Variants in CACNA1I observed in about 807,000 individuals in gnomAD.
CACNA1I encodes calcium voltage-gated channel subunit alpha1 I.
Under a neutral mutation model 201.6 loss-of-function variants are expected in CACNA1I, and 74 were observed. That is an observed-to-expected ratio of 0.37 (90% CI 0.30 to 0.45). The LOEUF (loss-of-function observed/expected upper bound fraction) is 0.45, where lower values mean the gene tolerates loss of function less well. Among genes scored for constraint, CACNA1I ranks in the 20% least tolerant of loss-of-function variants. CACNA1I has a pLI of 1.00. For missense variants in CACNA1I, 2,346 were observed against 3,138.1 expected, an observed-to-expected ratio of 0.75 and a Z score of 6.03; for synonymous variants, 1,431 against 1,345.2, an observed-to-expected ratio of 1.06 and a Z score of -1.40.
In CACNA1I at chr22:39,593,155, G is replaced by A. The variant is rs3788564; in HGVS notation, c.237-4996G>A. Among the ~76,000 whole-genome samples the A allele has an allele frequency of 3.3e-4, 50 of 152,354 alleles. 1 individual carries two copies. The East Asian group carries it at 9.4e-3, about 29-fold the overall frequency. ...TGCGGGGACCCAGTGCAGTGGGCGAGTTAGATGGGCCACAGAGGCAGTGCT... is the reference window on the plus strand; with the variant it reads ...TGCGGGGACCCAGTGCAGTGGGCGAATTAGATGGGCCACAGAGGCAGTGCT... On this transcript the variant is annotated intron_variant, in intron 1 of 36. Coordinates refer to ENST00000402142, the MANE Select transcript of CACNA1I (RefSeq NM_021096.4).
intron 10 of CACNA1I, among the ~76,000 whole-genome samples, chr22:39,654,984 G>C (rs1214654373): frequency 6.6e-6 from 1 of 152,112 alleles, no homozygotes; most frequent in Admixed American, 6.5e-5. Context: ...TCAGAAAAGG[G>C]GGGCAGGTGA....
chr22:39,637,709 C>G (rs1361570995), intron 5 of CACNA1I, among the ~76,000 whole-genome samples: 1 of 152,186 alleles, frequency 6.6e-6, no homozygotes, highest in African/African-American at 2.4e-5. Context: ...ATTTTGCTCT[C>G]TTAACGGTGT....
At chr22:39,610,236 C>T (rs1339412979) in intron 3 of CACNA1I, among the ~76,000 whole-genome samples, 1 of 152,206 alleles carries the variant, frequency 6.6e-6, no homozygotes, top group African/African-American at 2.4e-5. Context: ...GAGGGCAGGA[C>T]CAAGGCTAGT....
In CACNA1I at chr22:39,658,406, C is replaced by T. The variant is rs551791274; in HGVS notation, c.2144+103C>T. ...AGGACATAAGATGGCTGTGGAAACC[C>T]GTTGCACTGAAACAATTATCGAAAT... On this transcript the variant is annotated intron_variant, in intron 11 of 36. Coordinates refer to ENST00000402142, the MANE Select transcript of CACNA1I (RefSeq NM_021096.4). 24 of 1,072,512 alleles carry T rather than the reference C, an allele frequency of 2.2e-5. No individual in the cohort carries two copies. In the South Asian group the frequency reaches 2.4e-4, roughly 11 times the overall value. 66.4% of individuals were successfully genotyped at this position (1,072,512 alleles called of 1,614,324 possible).
Position 39,659,648 on chromosome 22 carries a change from C to T in CACNA1I, c.2449-49C>T, listed in dbSNP as rs758065366. On this transcript the variant is annotated intron_variant, in intron 13 of 36. Coordinates refer to ENST00000402142, the MANE Select transcript of CACNA1I (RefSeq NM_021096.4). The surrounding 1 kb of genome is among the most constrained non-coding windows in gnomAD (Gnocchi z 4.3). Reference sequence around the variant, plus strand: ...CAACTCCCATGCCTCCTTGTAGAGCCTAGCCCTGGACTAGGGGTACCCCAG... The same window carrying T: ...CAACTCCCATGCCTCCTTGTAGAGCTTAGCCCTGGACTAGGGGTACCCCAG... 3.1e-6 allele frequency: 5 copies of T among 1,610,006 alleles called. No homozygotes were observed. The highest frequency in any genetic ancestry group is 2.7e-5 in the African/African-American group (2 of 74,856).
chr22:39,612,895 G>A lies in CACNA1I; in HGVS notation c.483-6415G>A, dbSNP rs931954636. Reference sequence around the variant, plus strand: ...AACACCTACTGTGTGCTAGGTCCCCGGATATTGGCAATGGCTGGTGGTCTA... The same window carrying A: ...AACACCTACTGTGTGCTAGGTCCCCAGATATTGGCAATGGCTGGTGGTCTA... On this transcript the variant is annotated intron_variant, in intron 3 of 36. Coordinates refer to ENST00000402142, the MANE Select transcript of CACNA1I (RefSeq NM_021096.4). Among the ~76,000 whole-genome samples, 6 of 152,176 alleles carry A rather than the reference G, an allele frequency of 3.9e-5. No individual in the cohort carries two copies. In the East Asian group the frequency reaches 7.7e-4, roughly 20 times the overall value.
chr22:39,578,638 G>A (rs964803336), intron 1 of CACNA1I, among the ~76,000 whole-genome samples: 9 of 151,826 alleles, frequency 5.9e-5, no homozygotes, highest in African/African-American at 2.2e-4. Flanking sequence ...CTGCTGTCAA[G>A]TGCTGTGTAC....
intron 3 of CACNA1I, among the ~76,000 whole-genome samples, chr22:39,608,320 A>C (rs1365105528): frequency 1.3e-5 from 2 of 151,946 alleles, no homozygotes; most frequent in Non-Finnish European, 2.9e-5. Context: ...TTCTGTGATC[A>C]CCCAGTCCAG....
Position 39,676,816 on chromosome 22 carries a change from C to A in CACNA1I, c.4855-525C>A, listed in dbSNP as rs1015863165. Among the ~76,000 whole-genome samples the A allele has an allele frequency of 6.6e-6, 1 of 152,190 alleles. No homozygotes were observed. Among genetic ancestry groups the A allele is most frequent in the African/African-American group, 2.4e-5 (1 of 41,444 alleles). ...GCATTTCGGTGGTTTCGTAGAGGAG[C>A]TAGTGTTAGAGCTGAGACCTCCTGC... On this transcript the variant is annotated intron_variant, in intron 29 of 36. Coordinates refer to ENST00000402142, the MANE Select transcript of CACNA1I (RefSeq NM_021096.4). This position sits in a 1 kb window ranked among gnomAD's most constrained non-coding sequence, Gnocchi z 4.8.
In CACNA1I at chr22:39,679,418, G is replaced by A; in HGVS notation, c.5367G>A (p.Leu1789=). The A allele has an allele frequency of 7.0e-7, 1 of 1,431,260 alleles. No individual in the cohort carries two copies. Among genetic ancestry groups the A allele is most frequent in the Non-Finnish European group, 9.0e-7 (1 of 1,105,356 alleles). The allele number at this position is 1,431,260 out of a possible 1,614,324, so 88.7% of individuals were successfully genotyped here. ...GCGGGGGCGACACCGAGGGCGGCTT[G>A]TGCCGGCGCTGCTACTCGCCTGCCC... The part of the protein sequence containing the change: ...AGGGGDTEGG[L]CRRCYSPAQE... The change falls in exon 32 of 37, where the codon TTG becomes TTA. Residue 1789 remains leucine (L), a synonymous_variant. Transcript: ENST00000402142.
intron 31 of CACNA1I, among the ~76,000 whole-genome samples, chr22:39,678,811 C>G (rs557390923): frequency 1.3e-5 from 2 of 152,324 alleles, no homozygotes; most frequent in African/African-American, 2.4e-5. Flanking sequence ...CCCCAGATGC[C>G]CCTTCTCAGG....
At position 39,681,155 on chromosome 22, in the gene CACNA1I, C is replaced by T. The variant is rs574784955; in HGVS notation, c.5664+103C>T. The stretch of plus-strand genomic sequence containing the variant: ...CTGTCTTTCCAGTCTACCATGTAAA[C>T]GGCACCCACTGTGCTAGGCCTTCAT... On this transcript the variant is annotated intron_variant, in intron 34 of 36. Coordinates refer to ENST00000402142, the MANE Select transcript of CACNA1I (RefSeq NM_021096.4). 2,448 of 1,324,850 alleles carry T rather than the reference C, an allele frequency of 1.8e-3. 5 individuals are homozygous for T. The highest frequency in any genetic ancestry group is 2.2e-3 in the Non-Finnish European group (2,185 of 983,894). 82.1% of individuals were successfully genotyped at this position (1,324,850 alleles called of 1,614,324 possible). A position where few individuals can be genotyped will look rare whatever the true frequency, so the allele number is the denominator to read the frequency against.
intron 18 of CACNA1I, 59 bp from the exon 19 acceptor site, chr22:39,663,659 C>T (rs1601512435): frequency 6.2e-7 from 1 of 1,603,846 alleles, no homozygotes. Context: ...CCTCTGCCTT[C>T]CTTCTGGCCA....
rs199671496 is a variant in CACNA1I at position 39,634,560 on chromosome 22, C to T, written c.581-5C>T. ...TGACCATCCCTCCACCTTTTCCCCT[C>T]CCAGGTATGCGGATCCTGGTGAACC... On this transcript the variant is annotated splice_polypyrimidine_tract_variant and splice_region_variant and intron_variant, in intron 4 of 36. Transcript: ENST00000402142. 1.9e-6 allele frequency: 3 copies of T among 1,613,814 alleles called. No individual in the cohort carries two copies. The highest frequency in any genetic ancestry group is 2.2e-5 in the East Asian group (1 of 44,888).
At chr22:39,619,432 A>C (rs758996887) in intron 4 of CACNA1I, 25 bp downstream of exon 4, 3 of 1,567,910 alleles carry the variant, frequency 1.9e-6, no homozygotes, top group East Asian at 4.5e-5. Flanking sequence ...CCCTGTCCAC[A>C]CATTCCTGGC....
At chr22:39,572,069 G>A (rs962008910) in intron 1 of CACNA1I, among the ~76,000 whole-genome samples, 2 of 152,204 alleles carry the variant, frequency 1.3e-5, no homozygotes, top group African/African-American at 4.8e-5. Context: ...GGGGCAGAGA[G>A]GAGTGAGGTG....
chr22:39,577,600 G>A (rs1932401297), intron 1 of CACNA1I, among the ~76,000 whole-genome samples: 1 of 152,370 alleles, frequency 6.6e-6, no homozygotes, highest in East Asian at 1.9e-4. Flanking sequence ...TGTGAACCTG[G>A]ACTGCGCGGA....
At chr22:39,626,128 C>T (rs1933893246) in intron 4 of CACNA1I, among the ~76,000 whole-genome samples, 1 of 152,216 alleles carries the variant, frequency 6.6e-6, no homozygotes, top group Admixed American at 6.5e-5. Context: ...GAGGTTTGCT[C>T]TGTGCTGTCA....
At chr22:39,626,207 G>T (rs910943042) in intron 4 of CACNA1I, among the ~76,000 whole-genome samples, 2 of 152,234 alleles carry the variant, frequency 1.3e-5, no homozygotes, top group Admixed American at 6.5e-5. Flanking sequence ...GTGCCTCTCC[G>T]TGCCTCTATT....
Sources: allele counts gnomAD v4.1 joint callset (sites outside exome capture counted in the v4.1 genomes callset), GRCh38; gene constraint gnomAD v4.1.1; non-coding constraint Gnocchi (gnomAD v3.1); transcripts MANE v1.5; gene names NCBI Gene and HGNC (gene_info 2026-07-23, HGNC 2026-07-21).